The following SP140 variants were observed in gnomAD, a reference collection of about 807,000 sequenced individuals.
The protein encoded by SP140 is nuclear body protein SP140.
In SP140, 81 loss-of-function variants were observed where a neutral mutation model predicts 125.0. The observed-to-expected ratio is 0.65, with a 90% CI of 0.54 to 0.78. The LOEUF (loss-of-function observed/expected upper bound fraction) is 0.78, where lower values mean the gene tolerates loss of function less well. Among genes scored for constraint, SP140 ranks in the 30% least tolerant of loss-of-function variants. SP140 has a pLI of 0.00. For missense variants in SP140, 858 were observed against 1,037.0 expected (o/e 0.83, Z 2.37); for synonymous variants, 312 against 354.0 (o/e 0.88, Z 1.33).
chr2:230,220,235 G>C, intron 3 of SP140: 1 of 185,010 alleles, frequency 5.4e-6, no homozygotes, highest in Non-Finnish European at 1.0e-5. Context: ...GCGGCAATAG[G>C]AACTGGGAAC....
chr2:230,199,648 C>T (rs2148843622), upstream of SP140, among the ~76,000 whole-genome samples: 1 of 152,078 alleles, frequency 6.6e-6, no homozygotes, highest in African/African-American at 2.4e-5. Context: ...CCTAGAATGG[C>T]ATAATAACAG....
At chr2:230,220,855 T>A (rs1323934831), upstream of SP140, among the ~76,000 whole-genome samples, 2 of 151,784 alleles carry the variant, frequency 1.3e-5, no homozygotes, top group East Asian at 3.9e-4. Flanking sequence ...AATAAAAAAA[T>A]AAAAAATTAA....
intron 21 of SP140, among the ~76,000 whole-genome samples, chr2:230,296,399 G>A (rs1238016074): frequency 1.3e-5 from 2 of 152,124 alleles, no homozygotes; most frequent in East Asian, 1.9e-4. Flanking sequence ...CTGTGCCCTG[G>A]GCTACAGACA....
intron 26 of SP140, 100 bp downstream of exon 26, chr2:230,311,695 G>T (rs2059344492): frequency 2.2e-6 from 3 of 1,383,428 alleles, no homozygotes; most frequent in South Asian, 2.7e-5. Flanking sequence ...TAATAAGCTT[G>T]CACGAGCAAG....
At chr2:230,284,235 A>G in intron 15 of SP140, 111 bp from the exon 16 acceptor site, 1 of 1,068,858 alleles carries the variant, frequency 9.4e-7, no homozygotes, top group Non-Finnish European at 1.4e-6. Context: ...ATTTTGCCCC[A>G]TTCCTGCGGA....
rs1472710179 is a variant in SP140 at position 230,310,027 on chromosome 2, T to C, written c.2162T>C (p.Val721Ala). Residue 721 changes from valine (V) to alanine (A), a missense_variant, in exon 23 of 27, where the codon GTG becomes GCG. By Grantham distance (64) the Val-to-Ala change is moderately conservative (BLOSUM62 0). Around this residue, in one of 4 missense-constraint regions of SP140, gnomAD observed 791 missense variants for 869.5 expected, o/e 0.91. Coordinates refer to ENST00000392045, the MANE Select transcript of SP140 (RefSeq NM_007237.5). ...VFHEDCHIPPVEAERTPWNCI... is the reference protein window; with the variant it reads ...VFHEDCHIPPAEAERTPWNCI... Reference sequence around the variant, plus strand: ...CATGAGGACTGTCACATCCCGCCTGTGGAAGCTGAGAGGTAAGTGACATGC... The same window carrying C: ...CATGAGGACTGTCACATCCCGCCTGCGGAAGCTGAGAGGTAAGTGACATGC... 3.1e-6 allele frequency: 5 copies of C among 1,614,042 alleles called. No homozygotes were observed. The highest frequency in any genetic ancestry group is 4.5e-5 in the East Asian group (2 of 44,892).
chr2:230,217,000 C>G, intron 3 of SP140: 2 of 1,345,994 alleles, frequency 1.5e-6, no homozygotes, highest in Non-Finnish European at 1.0e-6. Context: ...AATCCCGGCA[C>G]TTTGGGAGGC....
At chr2:230,229,818 A>C (rs965103599) in intron 1 of SP140, among the ~76,000 whole-genome samples, 3 of 152,078 alleles carry the variant, frequency 2.0e-5, no homozygotes, top group East Asian at 3.9e-4. Flanking sequence ...GGAAGCCTAC[A>C]TAGGCTTTTT....
chr2:230,273,530 C>T (rs531610699), intron 15 of SP140, among the ~76,000 whole-genome samples: 8 of 152,304 alleles, frequency 5.3e-5, no homozygotes, highest in African/African-American at 1.9e-4. Flanking sequence ...TTGTGGAAGA[C>T]AGTGTGGCAA....
At chr2:230,226,626 A>G (rs6705808) in intron 1 of SP140, among the ~76,000 whole-genome samples, 19,824 of 151,928 alleles carry the variant, frequency 0.13, 1,451 homozygotes, top group Middle Eastern at 0.21. Context: ...GCTGGGTGTC[A>G]TGGTGTATGC....
At chr2:230,223,774 A>G (rs544506929), upstream of SP140, among the ~76,000 whole-genome samples, 8 of 152,372 alleles carry the variant, frequency 5.3e-5, no homozygotes, top group East Asian at 1.5e-3. Flanking sequence ...ACTCTATACA[A>G]TTCATTTCCC....
intron 12 of SP140, among the ~76,000 whole-genome samples, chr2:230,261,829 T>C (rs2052307996): frequency 6.6e-6 from 1 of 152,240 alleles, no homozygotes; most frequent in Non-Finnish European, 1.5e-5. Context: ...GATTATCTTT[T>C]TGATATGTTG....
chr2:230,257,049 A>C (rs1346277211), intron 12 of SP140, among the ~76,000 whole-genome samples: 1 of 152,112 alleles, frequency 6.6e-6, no homozygotes, highest in African/African-American at 2.4e-5. Context: ...AGCAGAGACC[A>C]GTGTCCTGGA....
intron 12 of SP140, among the ~76,000 whole-genome samples, chr2:230,267,213 T>C (rs2053257189): frequency 6.6e-6 from 1 of 152,178 alleles, no homozygotes; most frequent in Non-Finnish European, 1.5e-5. Flanking sequence ...GGTTAGGAGG[T>C]ACAGGGAAGT....
At chr2:230,232,466 G>GGTT (rs199607566) in intron 1 of SP140, among the ~76,000 whole-genome samples, 1 of 152,084 alleles carries the variant, frequency 6.6e-6, no homozygotes, top group African/African-American at 2.4e-5. Context: ...TGTTCAGCAG[G>GGTT]GTTGTTGTTG....
At chr2:230,315,835 T>C (rs886723726), downstream of SP140, among the ~76,000 whole-genome samples, 4 of 152,228 alleles carry the variant, frequency 2.6e-5, no homozygotes, top group Non-Finnish European at 5.9e-5. Flanking sequence ...TGGTGGTTCA[T>C]GCTGCTAAAT....
chr2:230,259,795 T>TAC (rs1553571976), intron 12 of SP140, among the ~76,000 whole-genome samples: 21 of 111,544 alleles, frequency 1.9e-4, no homozygotes, highest in Admixed American at 3.6e-4. Context: ...TATATATATA[T>TAC]ACCACATACA....
chr2:230,215,177 C>A, intron 3 of SP140: 2 of 1,365,614 alleles, frequency 1.5e-6, no homozygotes, highest in Non-Finnish European at 2.1e-6. Flanking sequence ...GGAAGTTATA[C>A]ATTTATGGTT....
At chr2:230,265,706 C>T (rs2149324356) in intron 12 of SP140, among the ~76,000 whole-genome samples, 1 of 152,136 alleles carries the variant, frequency 6.6e-6, no homozygotes, top group East Asian at 1.9e-4. Context: ...ACAAACAGAC[C>T]TTCAGCTTCT....
Sources: gnomAD v4.1 joint callset for allele counts (sites outside exome capture counted in the v4.1 genomes callset) on GRCh38, gnomAD v4.1.1 for gene constraint, gnomAD v4.1.1 regional missense constraint, MANE v1.5 for transcripts, NCBI Gene and HGNC (gene_info 2026-07-23, HGNC 2026-07-21) for gene names.